CELF2: variants seen among roughly 807,000 people sequenced by gnomAD.
CELF2 encodes the protein CUG triplet repeat RNA-binding protein 2.
A neutral mutation model predicts 62.6 loss-of-function variants in CELF2; 8 were observed. The ratio of observed to expected loss-of-function variants is 0.13; its 90% confidence interval spans 0.07 to 0.23. The LOEUF (loss-of-function observed/expected upper bound fraction) is 0.23, where lower values mean the gene tolerates loss of function less well. Among genes scored for constraint, CELF2 ranks in the 10% least tolerant of loss-of-function variants. The probability of loss-of-function intolerance (pLI) is 1.00; values close to 1 mark genes in which losing one functional copy is unlikely to be tolerated. For synonymous variants in CELF2, 258 were observed against 250.0 expected, an observed-to-expected ratio of 1.03 and a Z score of -0.30; for missense variants, 333 against 671.0, an observed-to-expected ratio of 0.50 and a Z score of 5.56.
At chr10:11,097,587 A>G (rs1001851252) in intron 1 of CELF2, among the ~76,000 whole-genome samples, 9 of 152,202 alleles carry the variant, frequency 5.9e-5, no homozygotes, top group African/African-American at 4.8e-5. Context: ...CTCCGGTTCA[A>G]TAGTGGGTAG....
At position 10,938,941 on chromosome 10, in the gene CELF2, A is replaced by G. The variant is rs553060845; in HGVS notation, c.89+18942A>G. ...ATCTGTCTTTCTCCATGCCTAGGCC[A>G]AGCGCTCCTGCAGCAGCAAAATCCC... On this transcript the variant is annotated intron_variant, in intron 2 of 13. Transcript: ENST00000636488. This position sits in a 1 kb window ranked among gnomAD's most constrained non-coding sequence, Gnocchi z 4.2. 6.6e-6 allele frequency among the ~76,000 whole-genome samples: 1 copy of G among 152,296 alleles called. No homozygotes were observed. The highest frequency in any genetic ancestry group is 1.5e-5 in the Non-Finnish European group (1 of 68,028).
the CELF2 span, among the ~76,000 whole-genome samples, chr10:10,484,005 C>T: frequency 1.2e-5 from 1 of 80,384 alleles, no homozygotes; most frequent in Non-Finnish European, 2.5e-5. Context: ...CCCCCGCTTT[C>T]TCCCTCCCTC....
chr10:10,484,065 C>G, the CELF2 span, among the ~76,000 whole-genome samples: 1 of 52,872 alleles, frequency 1.9e-5, no homozygotes, highest in African/African-American at 8.3e-5. Context: ...CCCTCCCTCC[C>G]TCCCACCTTC....
chr10:10,751,731 A>C, the CELF2 span, among the ~76,000 whole-genome samples: 1 of 152,186 alleles, frequency 6.6e-6, no homozygotes, highest in Admixed American at 6.5e-5. Context: ...CAAATCTCGT[A>C]CTGCTTTGGG....
chr10:11,058,705 C>T (rs1046262227), intron 1 of CELF2, among the ~76,000 whole-genome samples: 2 of 151,880 alleles, frequency 1.3e-5, no homozygotes, highest in African/African-American at 4.8e-5. Flanking sequence ...TGACCTCAGG[C>T]GATCCACCCC....
At chr10:11,070,627 G>T (rs2069625072) in intron 1 of CELF2, among the ~76,000 whole-genome samples, 2 of 152,070 alleles carry the variant, frequency 1.3e-5, no homozygotes, top group Admixed American at 6.6e-5. Flanking sequence ...GAAATCATCT[G>T]GGGGGAGGGG....
intron 2 of CELF2, among the ~76,000 whole-genome samples, chr10:10,965,772 A>G (rs370935412): frequency 1.3e-5 from 2 of 152,240 alleles, no homozygotes; most frequent in African/African-American, 4.8e-5. Context: ...CTGAGCTCCA[A>G]ATATATCAGG....
chr10:11,065,700 A>AC (rs61243512), intron 1 of CELF2, among the ~76,000 whole-genome samples: 24,243 of 151,888 alleles, frequency 0.16, 3,148 homozygotes, highest in East Asian at 0.65. Context: ...GACAAACCCC[A>AC]CCCCCCGCCA....
chr10:11,217,113 A>G lies in CELF2; in HGVS notation c.272-312A>G, dbSNP rs996766803. 6.6e-6 allele frequency among the ~76,000 whole-genome samples: 1 copy of G among 152,210 alleles called. No individual in the cohort carries two copies. The highest frequency in any genetic ancestry group is 1.5e-5 in the Non-Finnish European group (1 of 68,042). ...AAATGCTTCTCTTCACGTAGGTGCT[A>G]TAACACAGGTCCCATTCACATCTCA... On this transcript the variant is annotated intron_variant, in intron 2 of 12. Transcript: ENST00000633077. The surrounding 1 kb of genome is among the most constrained non-coding windows in gnomAD (Gnocchi z 5.6).
chr10:10,755,567 T>C, the CELF2 span, among the ~76,000 whole-genome samples: 34 of 152,332 alleles, frequency 2.2e-4, 1 homozygote, highest in East Asian at 6.5e-3. Context: ...CCAGTCGCTC[T>C]ACGACAGGTG....
intron 2 of CELF2, among the ~76,000 whole-genome samples, chr10:10,992,374 C>G (rs911657819): frequency 6.6e-6 from 1 of 152,046 alleles, no homozygotes; most frequent in Non-Finnish European, 1.5e-5. Context: ...GAGAAAAACC[C>G]AAACACACAA....
the CELF2 span, among the ~76,000 whole-genome samples, chr10:10,759,894 G>A: frequency 3.9e-5 from 6 of 152,078 alleles, no homozygotes; most frequent in Non-Finnish European, 8.8e-5. Context: ...AAAATAGCCA[G>A]GTTCTTAAAA....
At chr10:10,660,768 A>G in the CELF2 span, among the ~76,000 whole-genome samples, 2 of 152,268 alleles carry the variant, frequency 1.3e-5, no homozygotes, top group East Asian at 3.8e-4. Context: ...ATCCAAAAGC[A>G]TGACCTATAT....
intron 11 of CELF2, among the ~76,000 whole-genome samples, chr10:11,325,541 C>G (rs1415818233): frequency 1.3e-5 from 2 of 152,260 alleles, no homozygotes; most frequent in Non-Finnish European, 2.9e-5. Flanking sequence ...CCCACTGTCA[C>G]CTTCAGCCCC....
intron 1 of CELF2, among the ~76,000 whole-genome samples, chr10:11,119,870 C>CCG (rs2057374380): frequency 7.5e-6 from 1 of 133,152 alleles, no homozygotes; most frequent in African/African-American, 2.8e-5. Context: ...CGCCTCCCCC[C>CCG]CCCCGGCCCC....
rs1045437115 is a variant in CELF2 at position 11,311,919 on chromosome 10, G to A, written c.977-2220G>A. Among the ~76,000 whole-genome samples the A allele has an allele frequency of 6.6e-6, 1 of 152,134 alleles. No homozygotes were observed. The highest frequency in any genetic ancestry group is 1.5e-5 in the Non-Finnish European group (1 of 68,030). ...CAAGAACTTTTCAGAACTGATAAAA[G>A]GTAGAAACAAAAATCCACATATTCA... On this transcript the variant is annotated intron_variant, in intron 9 of 12. Coordinates refer to ENST00000633077, the MANE Select transcript of CELF2 (RefSeq NM_001326342.2). This position sits in a 1 kb window ranked among gnomAD's most constrained non-coding sequence, Gnocchi z 4.7.
At chr10:11,141,036 C>T (rs1385549031) in intron 1 of CELF2, among the ~76,000 whole-genome samples, 1 of 152,152 alleles carries the variant, frequency 6.6e-6, no homozygotes, top group Admixed American at 6.5e-5. Context: ...AGCATAGTTG[C>T]TAACTTTTGT....
chr10:10,471,242 A>G, the CELF2 span, among the ~76,000 whole-genome samples: 20 of 151,700 alleles, frequency 1.3e-4, no homozygotes, highest in Non-Finnish European at 2.4e-4. Context: ...TTCTATTTCC[A>G]TTTAGGTTGG....
At chr10:10,526,235 T>C in the CELF2 span, among the ~76,000 whole-genome samples, 2 of 152,224 alleles carry the variant, frequency 1.3e-5, no homozygotes, top group South Asian at 2.1e-4. Context: ...AAAGATATTA[T>C]AGAATCAAAA....
Sources: gnomAD v4.1 joint callset for allele counts (sites outside exome capture counted in the v4.1 genomes callset) on GRCh38, gnomAD v4.1.1 for gene constraint, Gnocchi (gnomAD v3.1) non-coding constraint, MANE v1.5 for transcripts, NCBI Gene and HGNC (gene_info 2026-07-23, HGNC 2026-07-21) for gene names.